The following CHD7 variants were observed in gnomAD, a reference collection of about 807,000 sequenced individuals.
CHD7 encodes the protein chromodomain helicase DNA binding protein 7.
In CHD7, 24 loss-of-function variants were observed where a neutral mutation model predicts 307.3. That is an observed-to-expected ratio of 0.08 (90% CI 0.06 to 0.11). CHD7 has a LOEUF of 0.11. Ranked by LOEUF, CHD7 falls within the 10% of genes least tolerant of loss-of-function variation. The pLI, the probability that CHD7 is intolerant of heterozygous loss-of-function variation, is 1.00. For missense variants in CHD7, 3,106 were observed against 3,727.1 expected (o/e 0.83, Z 4.34); for synonymous variants, 1,363 against 1,349.9 (o/e 1.01, Z -0.21).
At chr8:60,774,621 G>C (rs531239734) in intron 2 of CHD7, among the ~76,000 whole-genome samples, 9 of 152,306 alleles carry the variant, frequency 5.9e-5, no homozygotes, top group Admixed American at 2.0e-4. Context: ...GTGGACAACT[G>C]GTCAGAGTCA....
At chr8:60,794,942 A>C (rs1270596265) in intron 3 of CHD7, 44 bp from the exon 4 acceptor site, 2 of 1,562,522 alleles carry the variant, frequency 1.3e-6, no homozygotes, top group East Asian at 2.3e-5. Flanking sequence ...GACATGCAGA[A>C]ACACATTAAA....
chr8:60,809,668 G>GAAAAAAAA (rs36108691), intron 7 of CHD7: 5 of 96,340 alleles, frequency 5.2e-5, no homozygotes, highest in African/African-American at 8.8e-5. Flanking sequence ...AGGGAGTTTT[G>GAAAAAAAA]AAAAAAAAAA....
chr8:60,787,302 G>A lies in CHD7; in HGVS notation c.2096+5872G>A, dbSNP rs112453485. 5.3e-5 allele frequency among the ~76,000 whole-genome samples: 8 copies of A among 152,264 alleles called. No individual in the cohort carries two copies. The South Asian group carries it at 6.2e-4, about 12-fold the overall frequency. On this transcript the variant is annotated intron_variant, in intron 3 of 37. Transcript: ENST00000423902. ...TAGCCACCCTGGCAGATTAGAGACCGTAATGATGAATCTAGGGAGGGGGTT... is the reference window on the plus strand; with the variant it reads ...TAGCCACCCTGGCAGATTAGAGACCATAATGATGAATCTAGGGAGGGGGTT...
At chr8:60,861,347 C>T (rs927020208) in intron 35 of CHD7, 25 of 483,812 alleles carry the variant, frequency 5.2e-5, no homozygotes, top group Admixed American at 1.4e-4. Flanking sequence ...TGAAGATGCG[C>T]GTTATGCATT....
intron 3 of CHD7, 103 bp downstream of exon 3, chr8:60,781,533 A>G (rs977440786): frequency 5.0e-6 from 7 of 1,387,306 alleles, no homozygotes; most frequent in East Asian, 5.2e-5. Flanking sequence ...GGACACAATG[A>G]TTTTTGTCAT....
intron 2 of CHD7, among the ~76,000 whole-genome samples, chr8:60,774,578 C>T (rs931833924): frequency 3.9e-5 from 6 of 152,180 alleles, no homozygotes; most frequent in Non-Finnish European, 5.9e-5. Flanking sequence ...CCCATTGGTA[C>T]CCCTGGGCCT....
At chr8:60,771,712 C>G (rs536577989) in intron 2 of CHD7, among the ~76,000 whole-genome samples, 2 of 152,224 alleles carry the variant, frequency 1.3e-5, no homozygotes, top group East Asian at 3.9e-4. Context: ...CAGATTCATT[C>G]AGGTTGTCCA....
At chr8:60,680,098 C>T (rs1016649797) in intron 1 of CHD7, among the ~76,000 whole-genome samples, 14 of 151,604 alleles carry the variant, frequency 9.2e-5, no homozygotes, top group Non-Finnish European at 5.9e-5. Flanking sequence ...CAACTCGGCT[C>T]CCCCGCCCCC....
intron 2 of CHD7, among the ~76,000 whole-genome samples, chr8:60,752,857 G>T (rs1362402592): frequency 6.6e-6 from 1 of 152,184 alleles, no homozygotes; most frequent in African/African-American, 2.4e-5. Context: ...AATAAACTGT[G>T]GGGAACTAAC....
intron 23 of CHD7, among the ~76,000 whole-genome samples, 172 bp downstream of exon 23, chr8:60,845,581 C>T (rs866085143): frequency 2.6e-4 from 39 of 152,192 alleles, no homozygotes; most frequent in African/African-American, 8.9e-4. Flanking sequence ...TGGAACCATA[C>T]TCCCGCGGAT....
intron 4 of CHD7, among the ~76,000 whole-genome samples, chr8:60,797,091 T>TA (rs1253191355): frequency 2.0e-5 from 3 of 152,356 alleles, no homozygotes; most frequent in Non-Finnish European, 4.4e-5. Context: ...AGGCAGTTCT[T>TA]ACATTTCATT....
At chr8:60,780,870 T>C in intron 2 of CHD7, 130 bp from the exon 3 acceptor site, 1 of 1,193,590 alleles carries the variant, frequency 8.4e-7, no homozygotes, top group East Asian at 2.8e-5. Context: ...ATTCTACAAC[T>C]GTATAGTTGG....
At chr8:60,684,606 G>A (rs1586157927) in intron 1 of CHD7, among the ~76,000 whole-genome samples, 1 of 152,134 alleles carries the variant, frequency 6.6e-6, no homozygotes, top group East Asian at 1.9e-4. Context: ...AGAAGAAGGG[G>A]TGAGGGCACT....
chr8:60,774,058 C>T (rs1050462442), intron 2 of CHD7, among the ~76,000 whole-genome samples: 9 of 152,302 alleles, frequency 5.9e-5, no homozygotes, highest in African/African-American at 1.9e-4. Flanking sequence ...GCAGTCTACT[C>T]CCTAGGCTTG....
intron 34 of CHD7, among the ~76,000 whole-genome samples, chr8:60,859,052 TTTG>T (rs1471365723): frequency 6.6e-6 from 1 of 152,238 alleles, no homozygotes; most frequent in African/African-American, 2.4e-5. Flanking sequence ...TTGTTAAGAA[TTTG>T]TTGATATTTT....
At position 60,865,081 on chromosome 8, in the gene CHD7, G is replaced by A. The variant is rs767530497; in HGVS notation, c.8142G>A (p.Ala2714=). Reference sequence around the variant, plus strand: ...GGCCTGTAGTGCGGGGAGAGGGAGCGAGCAGAAGAGGAAGAAGGCCCAAAA... The same window carrying A: ...GGCCTGTAGTGCGGGGAGAGGGAGCAAGCAGAAGAGGAAGAAGGCCCAAAA... ...LTGPVVRGEG[A]SRRGRRPKSE... is the part of the protein sequence containing the mutation. Residue 2714 remains alanine (A), a synonymous_variant, in exon 38 of 38, where the codon GCG becomes GCA. Coordinates refer to ENST00000423902, the MANE Select transcript of CHD7 (RefSeq NM_017780.4). The surrounding 1 kb of genome is among the most constrained non-coding windows in gnomAD (Gnocchi z 4.3). 4 of 1,609,910 alleles carry A rather than the reference G, an allele frequency of 2.5e-6. No individual in the cohort carries two copies. Among genetic ancestry groups the A allele is most frequent in the African/African-American group, 2.7e-5 (2 of 74,866 alleles).
At chr8:60,850,689 T>A in intron 26 of CHD7, 67 bp downstream of exon 26, 1 of 1,485,044 alleles carries the variant, frequency 6.7e-7, no homozygotes, top group East Asian at 2.4e-5. Context: ...CAGGGTTCAG[T>A]TCTTACCCTG....
chr8:60,781,722 A>G (rs750779357), intron 3 of CHD7, among the ~76,000 whole-genome samples: 2 of 152,232 alleles, frequency 1.3e-5, no homozygotes, highest in African/African-American at 2.4e-5. Context: ...AGTTAGCAGT[A>G]TAATTATTTA....
At chr8:60,796,345 T>C (rs1812033984) in intron 4 of CHD7, among the ~76,000 whole-genome samples, 1 of 152,228 alleles carries the variant, frequency 6.6e-6, no homozygotes, top group African/African-American at 2.4e-5. Context: ...TTTTATTGAT[T>C]TTTGTTTTTT....
Sources: gnomAD v4.1 joint callset for allele counts (sites outside exome capture counted in the v4.1 genomes callset) on GRCh38, gnomAD v4.1.1 for gene constraint, Gnocchi (gnomAD v3.1) non-coding constraint, MANE v1.5 for transcripts, NCBI Gene and HGNC (gene_info 2026-07-23, HGNC 2026-07-21) for gene names.